Variants in POLR3G observed in about 807,000 individuals in gnomAD.
POLR3G encodes the protein RNA polymerase III subunit G.
Under a neutral mutation model 30.1 loss-of-function variants are expected in POLR3G, and 28 were observed. The observed-to-expected ratio is 0.93, with a 90% confidence interval of 0.69 to 1.27. POLR3G has a LOEUF of 1.27. Ranked by LOEUF, POLR3G falls within the 50% of genes most tolerant of loss-of-function variation. POLR3G has a pLI of 0.00. For synonymous variants in POLR3G, 79 were observed against 82.5 expected (o/e 0.96, Z 0.23); for missense variants, 254 against 264.6 (o/e 0.96, Z 0.28).
chr5:90,482,697 C>T (rs571003116), intron 1 of POLR3G, among the ~76,000 whole-genome samples: 43 of 152,290 alleles, frequency 2.8e-4, no homozygotes, highest in African/African-American at 9.9e-4. Context: ...CTACCCAGAT[C>T]GATTAACTGA....
At chr5:90,490,660 C>T (rs1420768078) in intron 3 of POLR3G, 2 of 391,286 alleles carry the variant, frequency 5.1e-6, no homozygotes, top group South Asian at 3.6e-5. Flanking sequence ...CCTCCCATCT[C>T]GGCCTTCCAA....
In POLR3G at chr5:90,495,675, A is replaced by C. The variant is rs1448054749; in HGVS notation, c.248-2A>C. 1 of 1,601,604 alleles carries C rather than the reference A, an allele frequency of 6.2e-7. No homozygotes were observed. The highest frequency in any genetic ancestry group is 1.3e-5 in the African/African-American group (1 of 74,366). On this transcript the variant is annotated splice_acceptor_variant, in intron 3 of 7. Transcript: ENST00000651687. LOFTEE classifies it high-confidence loss of function. Reference sequence around the variant, plus strand: ...TGAGTTCTTTATTCTTTTTTCCCCTAGATATTGAAAGGTATAGTAAAAGAT... The same window carrying C: ...TGAGTTCTTTATTCTTTTTTCCCCTCGATATTGAAAGGTATAGTAAAAGAT...
At chr5:90,495,175 T>G (rs1751922188) in intron 3 of POLR3G, among the ~76,000 whole-genome samples, 1 of 152,186 alleles carries the variant, frequency 6.6e-6, no homozygotes, top group South Asian at 2.1e-4. Context: ...GAAAAATCAG[T>G]ATATATTTGG....
chr5:90,473,994 A>G (rs751364395), upstream of POLR3G: 9 of 1,598,220 alleles, frequency 5.6e-6, no homozygotes, highest in East Asian at 9.0e-5. Flanking sequence ...GGCGTGGTGC[A>G]CTGCCACGCG....
intron 6 of POLR3G, 22 bp from the exon 7 acceptor site, chr5:90,506,506 T>C: frequency 6.2e-7 from 1 of 1,607,346 alleles, no homozygotes; most frequent in Non-Finnish European, 8.5e-7. Context: ...CCATACAAAT[T>C]AATGAAACTC....
chr5:90,502,280 A>G, intron 6 of POLR3G: 1 of 979,420 alleles, frequency 1.0e-6, no homozygotes, highest in Non-Finnish European at 1.2e-6. Flanking sequence ...ATGCAGGCAG[A>G]GAGAAACATG....
intron 6 of POLR3G, 36 bp from the exon 7 acceptor site, chr5:90,506,492 G>A: frequency 1.2e-6 from 2 of 1,602,238 alleles, no homozygotes; most frequent in African/African-American, 1.3e-5. Context: ...CAGTCTAGTG[G>A]TTTCCATACA....
At chr5:90,503,222 T>G (rs1459820000) in intron 6 of POLR3G, among the ~76,000 whole-genome samples, 1 of 152,246 alleles carries the variant, frequency 6.6e-6, no homozygotes, top group Non-Finnish European at 1.5e-5. Context: ...GTGGATATTA[T>G]TCCTTCTTTA....
intron 6 of POLR3G, among the ~76,000 whole-genome samples, chr5:90,503,858 GTGGC>G (rs1752362860): frequency 6.6e-6 from 1 of 152,180 alleles, no homozygotes; most frequent in Non-Finnish European, 1.5e-5. Context: ...GCTCTGTATG[GTGGC>G]TGTAAGGCTG....
chr5:90,505,562 T>C (rs961979169), intron 6 of POLR3G, among the ~76,000 whole-genome samples: 1 of 152,238 alleles, frequency 6.6e-6, no homozygotes, highest in Non-Finnish European at 1.5e-5. Flanking sequence ...AATCAAAGCT[T>C]TCCTAACTCT....
chr5:90,497,649 T>G lies in POLR3G; in HGVS notation c.305-7T>G. On this transcript the variant is annotated splice_region_variant and splice_polypyrimidine_tract_variant and intron_variant, in intron 4 of 7. Transcript: ENST00000651687. ...CTGCAATTTTTTATTTTTTATTTTA[T>G]GTACAGATTGGAGAAGACTTCCAAG... The G allele has an allele frequency of 6.3e-7, 1 of 1,588,870 alleles. No homozygotes were observed. The highest frequency in any genetic ancestry group is 8.5e-7 in the Non-Finnish European group (1 of 1,171,464).
chr5:90,498,620 C>T (rs1230157806), intron 5 of POLR3G, among the ~76,000 whole-genome samples: 1 of 152,134 alleles, frequency 6.6e-6, no homozygotes, highest in Non-Finnish European at 1.5e-5. Context: ...TATTGTAGAC[C>T]TTTTCATTTG....
chr5:90,504,359 G>A (rs577636378), intron 6 of POLR3G, among the ~76,000 whole-genome samples: 4,612 of 151,992 alleles, frequency 0.03, 203 homozygotes, highest in African/African-American at 0.11. Context: ...AGGAGATCGA[G>A]ACCATCCTGG....
intron 6 of POLR3G, among the ~76,000 whole-genome samples, chr5:90,505,674 A>G (rs1752449755): frequency 6.6e-6 from 1 of 152,196 alleles, no homozygotes; most frequent in African/African-American, 2.4e-5. Context: ...TGCCAGATAT[A>G]TTAAGAAACA....
At chr5:90,499,114 G>A (rs1002015311) in intron 5 of POLR3G, among the ~76,000 whole-genome samples, 35 of 152,178 alleles carry the variant, frequency 2.3e-4, no homozygotes, top group African/African-American at 8.0e-4. Flanking sequence ...CTTGGATACA[G>A]GGGAATGGAC....
At chr5:90,505,385 A>G (rs904303194) in intron 6 of POLR3G, among the ~76,000 whole-genome samples, 33 of 152,230 alleles carry the variant, frequency 2.2e-4, no homozygotes, top group African/African-American at 7.5e-4. Flanking sequence ...AATTGAGCAT[A>G]GTACAATTTA....
At chr5:90,483,570 C>T (rs1298727998) in intron 1 of POLR3G, among the ~76,000 whole-genome samples, 6 of 151,810 alleles carry the variant, frequency 4.0e-5, no homozygotes, top group African/African-American at 1.2e-4. Flanking sequence ...TTTGGAAGGC[C>T]GAGGCAGGCA....
chr5:90,499,847 G>T (rs1275797363), intron 5 of POLR3G, among the ~76,000 whole-genome samples: 1 of 122,674 alleles, frequency 8.2e-6, no homozygotes, highest in African/African-American at 2.7e-5. Context: ...CTTGCATAAA[G>T]AATATTTTGA....
chr5:90,489,446 A>G (rs980237041), intron 3 of POLR3G, among the ~76,000 whole-genome samples: 13 of 151,326 alleles, frequency 8.6e-5, no homozygotes, highest in Admixed American at 3.3e-4. Flanking sequence ...TTGTATTTTT[A>G]ATAGAGATGT....
Sources: allele counts gnomAD v4.1 joint callset (sites outside exome capture counted in the v4.1 genomes callset), GRCh38; gene constraint gnomAD v4.1.1; transcripts MANE v1.5; gene names NCBI Gene and HGNC (gene_info 2026-07-23, HGNC 2026-07-21).